The following NEK9 variants were observed in gnomAD, a reference collection of about 807,000 sequenced individuals.
NEK9 encodes the protein serine/threonine-protein kinase Nek9.
Under a neutral mutation model 123.4 loss-of-function variants are expected in NEK9, and 75 were observed. The ratio of observed to expected loss-of-function variants is 0.61; its 90% CI spans 0.50 to 0.74. The LOEUF is 0.74. Among genes scored for constraint, NEK9 ranks in the 30% least tolerant of loss-of-function variants. The pLI is 0.00. For synonymous variants in NEK9, 438 were observed against 458.7 expected, an observed-to-expected ratio of 0.95 and a Z score of 0.58; for missense variants, 952 against 1,214.4, an observed-to-expected ratio of 0.78 and a Z score of 3.21.
Position 75,126,769 on chromosome 14 carries a change from G to GT in NEK9, c.152dup (p.His51GlnfsTer25), listed in dbSNP as rs1566663884. ...GGCCCAGGACGCGGATGGGGATGTA[G>GT]TGCAGTTCCTCCTGCTCCGCCGCGC... On this transcript the variant is annotated frameshift_variant, in exon 1 of 22. Coordinates refer to ENST00000238616, the MANE Select transcript of NEK9 (RefSeq NM_033116.6). LOFTEE classifies it high-confidence loss of function. 26 of 1,530,646 alleles carry GT rather than the reference G, an allele frequency of 1.7e-5. No homozygotes were observed. Among genetic ancestry groups the GT allele is most frequent in the Non-Finnish European group, 2.3e-5 (26 of 1,139,818 alleles). 94.8% of individuals were successfully genotyped at this position (1,530,646 alleles called of 1,614,324 possible).
Position 75,095,361 on chromosome 14 carries a change from T to C in NEK9, c.2233+11A>G, listed in dbSNP as rs1894348772. On this transcript the variant is annotated intron_variant, in intron 18 of 21. Transcript: ENST00000238616. Reference sequence around the variant, plus strand: ...CAGAAAACCACTGGTACCTGAAACATTGGTACTTACCAGTTCCAATGGATA... The same window carrying C: ...CAGAAAACCACTGGTACCTGAAACACTGGTACTTACCAGTTCCAATGGATA... 2 of 1,603,608 alleles carry C rather than the reference T, an allele frequency of 1.2e-6. No individual in the cohort carries two copies. Among genetic ancestry groups the C allele is most frequent in the Non-Finnish European group, 1.7e-6 (2 of 1,172,320 alleles).
At position 75,126,999 on chromosome 14, in the gene NEK9, A is replaced by C. The variant is rs1002261145; in HGVS notation, c.-78T>G. On this transcript the variant is annotated 5_prime_UTR_variant, in exon 1 of 22. Transcript: ENST00000238616. ...CCGCGCTGCGTCCCGCTCGCTTCAGATGCCGGCCCGCGGATCCGTCAGCCC... is the reference window on the plus strand; with the variant it reads ...CCGCGCTGCGTCCCGCTCGCTTCAGCTGCCGGCCCGCGGATCCGTCAGCCC... The C allele has an allele frequency of 1.6e-6, 2 of 1,230,242 alleles. No homozygotes were observed. Among genetic ancestry groups the C allele is most frequent in the Admixed American group, 7.6e-5 (2 of 26,380 alleles). 76.2% of individuals were successfully genotyped at this position (1,230,242 alleles called of 1,614,324 possible). A position where few individuals can be genotyped will look rare whatever the true frequency, so the allele number is the denominator to read the frequency against.
chr14:75,125,346 AAG>A (rs1223500350), intron 1 of NEK9, among the ~76,000 whole-genome samples: 1 of 152,202 alleles, frequency 6.6e-6, no homozygotes, highest in East Asian at 1.9e-4. Flanking sequence ...TCTAGAGAAA[AAG>A]AGTGCTTCTG....
chr14:75,124,178 A>C lies in NEK9; in HGVS notation c.265T>G (p.Ser89Ala). ...AAGGCATCACGACGTTCCTTCTCAG[A>C]CAGCCGGGTCAAATCGACTTCCTTC... is the stretch of plus-strand genomic sequence containing the variant. Reference protein sequence around the residue: ...VWKEVDLTRLSEKERRDALNE... With the variant: ...VWKEVDLTRLAEKERRDALNE... Residue 89 changes from serine to alanine, a missense_variant, in exon 2 of 22, where the codon TCT becomes GCT. Around this residue, in one of 4 missense-constraint regions of NEK9, gnomAD observed 106 missense variants for 153.0 expected, o/e 0.69. Transcript: ENST00000238616. 1 of 1,614,100 alleles carries C rather than the reference A, an allele frequency of 6.2e-7. No homozygotes were observed. The highest frequency in any genetic ancestry group is 8.5e-7 in the Non-Finnish European group (1 of 1,179,980).
Position 75,120,531 on chromosome 14 carries a change from T to C in NEK9, c.503A>G (p.His168Arg), listed in dbSNP as rs750843823. The C allele has an allele frequency of 3.1e-6, 5 of 1,612,348 alleles. No individual in the cohort carries two copies. The highest frequency in any genetic ancestry group is 4.2e-6 in the Non-Finnish European group (5 of 1,178,852). Residue 168 changes from histidine to arginine, a missense_variant, in exon 4 of 22, where the codon CAT (histidine) becomes CGT (arginine). His to Arg is a conservative substitution (Grantham distance 29). Around this residue, in one of 4 missense-constraint regions of NEK9, gnomAD observed 106 missense variants for 153.0 expected, o/e 0.69. Coordinates refer to ENST00000238616, the MANE Select transcript of NEK9 (RefSeq NM_033116.6). ...FQIVSAVSCI[H>R]KAGILHRDIK... ...TTACCTATGAAGGATTCCAGCTTTA[T>C]GGATGCAGCTCACTGCTGAAACAAT...
rs544037094 is a variant in NEK9 at position 75,116,839 on chromosome 14, C to T, written c.762+356G>A. ...GATCTTGGCTCACTGCAACCTCCAC[C>T]TCCTGGGTTCAAGCAATTTTTGTGC... On this transcript the variant is annotated intron_variant, in intron 6 of 21. Transcript: ENST00000238616. Among the ~76,000 whole-genome samples the T allele has an allele frequency of 2.0e-5, 3 of 152,184 alleles. No homozygotes were observed. The East Asian group carries it at 5.8e-4, about 29-fold the overall frequency.
intron 15 of NEK9, 61 bp downstream of exon 15, chr14:75,101,596 C>A: frequency 8.7e-7 from 1 of 1,143,616 alleles, no homozygotes; most frequent in Non-Finnish European, 1.3e-6. Context: ...AAACCTAATA[C>A]CTGATAGAAT....
intron 17 of NEK9, among the ~76,000 whole-genome samples, chr14:75,096,264 G>A (rs1166627295): frequency 2.5e-5 from 3 of 118,948 alleles, no homozygotes; most frequent in Non-Finnish European, 3.3e-5. Context: ...GCGACAGAGC[G>A]AGACTTCGTC....
At chr14:75,108,264 A>G (rs1406412912) in intron 10 of NEK9, among the ~76,000 whole-genome samples, 1 of 151,808 alleles carries the variant, frequency 6.6e-6, no homozygotes, top group African/African-American at 2.4e-5. Context: ...AGCAGGGATT[A>G]CAGGTGCCCG....
At chr14:75,125,823 A>G (rs1263908080) in intron 1 of NEK9, among the ~76,000 whole-genome samples, 2 of 152,226 alleles carry the variant, frequency 1.3e-5, no homozygotes, top group Non-Finnish European at 2.9e-5. Context: ...CGGATGAATC[A>G]CCTTCAGCAA....
At chr14:75,117,134 T>C (rs1197020437) in intron 6 of NEK9, 61 bp downstream of exon 6, 1 of 1,552,846 alleles carries the variant, frequency 6.4e-7, no homozygotes, top group Non-Finnish European at 8.7e-7. Context: ...TTGATCTGCT[T>C]AGTCAAGCTG....
chr14:75,116,026 T>C (rs1193572137), intron 6 of NEK9, among the ~76,000 whole-genome samples: 1 of 152,082 alleles, frequency 6.6e-6, no homozygotes, highest in Non-Finnish European at 1.5e-5. Flanking sequence ...AAGCAAACAT[T>C]TGGAAGGGTT....
At chr14:75,106,445 C>G (rs755914040) in intron 12 of NEK9, 57 bp downstream of exon 12, 3 of 1,447,916 alleles carry the variant, frequency 2.1e-6, no homozygotes, top group Non-Finnish European at 2.8e-6. Flanking sequence ...ATGCATACAA[C>G]TTTGAAGTCA....
rs553958390 is a variant in NEK9 at position 75,115,290 on chromosome 14, A to AT, written c.763-978dup. On this transcript the variant is annotated intron_variant, in intron 6 of 21. Transcript: ENST00000238616. ...GCCACCATGCCTGGATAATTTTTGTATTTTTTAGTAGAGACAGGGTTTCAC... is the reference window on the plus strand; with the variant it reads ...GCCACCATGCCTGGATAATTTTTGTATTTTTTTAGTAGAGACAGGGTTTCAC... 3.3e-5 allele frequency among the ~76,000 whole-genome samples: 5 copies of AT among 152,010 alleles called. No individual in the cohort carries two copies. The South Asian group carries it at 1.0e-3, about 32-fold the overall frequency.
chr14:75,087,190 C>T lies in NEK9; in HGVS notation c.2645G>A (p.Gly882Glu). The T allele has an allele frequency of 1.2e-6, 2 of 1,614,088 alleles. No individual in the cohort carries two copies. Among genetic ancestry groups the T allele is most frequent in the Non-Finnish European group, 1.7e-6 (2 of 1,179,984 alleles). ...LNPAVTCAGK[G>E]TPLTPPACAC... The stretch of plus-strand genomic sequence containing the variant: ...ACACGCAGGAGGAGTCAGTGGTGTT[C>T]CCTTCCCAGCACAGGTTACTGCAGG... Residue 882 changes from glycine to glutamate, a missense_variant, in exon 21 of 22, where the codon GGA becomes GAA. Around this residue, in one of 4 missense-constraint regions of NEK9, gnomAD observed 698 missense variants for 875.6 expected, o/e 0.80. Transcript: ENST00000238616.
intron 5 of NEK9, among the ~76,000 whole-genome samples, chr14:75,118,207 A>T (rs149298280): frequency 9.9e-4 from 149 of 150,794 alleles, no homozygotes; most frequent in African/African-American, 3.4e-3. Context: ...TGACATTATT[A>T]AAAAAAAAAT....
At chr14:75,102,494 C>T (rs1266261766) in intron 14 of NEK9, among the ~76,000 whole-genome samples, 2 of 149,200 alleles carry the variant, frequency 1.3e-5, no homozygotes, top group African/African-American at 4.9e-5. Context: ...ACTACCGGTG[C>T]CCGCCACCAC....
At chr14:75,096,840 A>C (rs2139739363) in intron 17 of NEK9, 1 of 321,130 alleles carries the variant, frequency 3.1e-6, no homozygotes, top group African/African-American at 2.1e-5. Context: ...AAAAAAAAAC[A>C]ACCAAAAAAA....
chr14:75,088,428 C>G, intron 20 of NEK9, 52 bp downstream of exon 20: 6 of 1,578,404 alleles, frequency 3.8e-6, no homozygotes, highest in Non-Finnish European at 5.2e-6. Context: ...CCAGGCAGAG[C>G]TTGCAGTGAC....
Sources: allele counts gnomAD v4.1 joint callset (sites outside exome capture counted in the v4.1 genomes callset), GRCh38; gene constraint gnomAD v4.1.1; regional missense constraint gnomAD v4.1.1; transcripts MANE v1.5; gene names NCBI Gene and HGNC (gene_info 2026-07-23, HGNC 2026-07-21).